KIRREL3: variants seen among roughly 807,000 people sequenced by gnomAD.
KIRREL3 encodes kirre like nephrin family adhesion molecule 3, also known as kin of IRRE-like protein 3.
KIRREL3 carries 36 observed loss-of-function variants against 89.7 expected under a neutral mutation model. The ratio of observed to expected loss-of-function variants is 0.40; its 90% CI spans 0.31 to 0.53. KIRREL3 has a LOEUF of 0.53. KIRREL3 is among the 20% of genes least tolerant of loss of function. The pLI is 0.49. For synonymous variants in KIRREL3, 445 were observed against 441.4 expected (o/e 1.01, Z -0.10); for missense variants, 864 against 1,056.6 (o/e 0.82, Z 2.53).
At chr11:126,633,815 A>G (rs963013292) in intron 1 of KIRREL3, among the ~76,000 whole-genome samples, 4 of 152,222 alleles carry the variant, frequency 2.6e-5, no homozygotes, top group Non-Finnish European at 5.9e-5. Flanking sequence ...ACCAGCAAGT[A>G]TGTTTATTTA....
chr11:126,585,107 G>C lies in KIRREL3; in HGVS notation c.56-22195C>G, dbSNP rs370746629. On this transcript the variant is annotated intron_variant, in intron 1 of 16. Coordinates refer to ENST00000525144, the MANE Select transcript of KIRREL3 (RefSeq NM_032531.4). ...GCTAATTTTTTGTATTTTTAGTAGGGACGGGGTTTCATCTTGTTAGCCAGG... is the reference window on the plus strand; with the variant it reads ...GCTAATTTTTTGTATTTTTAGTAGGCACGGGGTTTCATCTTGTTAGCCAGG... Among the ~76,000 whole-genome samples the C allele has an allele frequency of 2.5e-4, 38 of 150,666 alleles. No homozygotes were observed. In the East Asian group the frequency reaches 5.3e-3, roughly 21 times the overall value.
At chr11:126,552,392 G>T (rs1455476656) in intron 2 of KIRREL3, among the ~76,000 whole-genome samples, 1 of 152,090 alleles carries the variant, frequency 6.6e-6, no homozygotes, top group Non-Finnish European at 1.5e-5. Context: ...GCTAGACAGG[G>T]TGAAGGCACC....
rs747241588 is a variant in KIRREL3 at position 126,812,937 on chromosome 11, G to A, written c.55+187518C>T. Among the ~76,000 whole-genome samples the A allele has an allele frequency of 1.3e-5, 2 of 152,212 alleles. No homozygotes were observed. Among genetic ancestry groups the A allele is most frequent in the African/African-American group, 2.4e-5 (1 of 41,448 alleles). ...GGCTCTCATTGGAGGTTGTTGGGCT[G>A]CAGTTCACGGCCCAGGTGAGACCAC... On this transcript the variant is annotated intron_variant, in intron 1 of 16. Coordinates refer to ENST00000525144, the MANE Select transcript of KIRREL3 (RefSeq NM_032531.4). The surrounding 1 kb of genome is among the most constrained non-coding windows in gnomAD (Gnocchi z 5.2).
At chr11:126,774,494 C>T (rs569885409) in intron 1 of KIRREL3, among the ~76,000 whole-genome samples, 1 of 152,196 alleles carries the variant, frequency 6.6e-6, no homozygotes, top group Non-Finnish European at 1.5e-5. Flanking sequence ...TGGTCATCCA[C>T]GCTCTGGGCT....
chr11:126,509,327 C>T (rs1958124495), intron 4 of KIRREL3, among the ~76,000 whole-genome samples: 1 of 152,196 alleles, frequency 6.6e-6, no homozygotes, highest in South Asian at 2.1e-4. Context: ...CTCACCCCTC[C>T]TTCATACTCA....
At chr11:126,923,604 C>A (rs908327827) in intron 1 of KIRREL3, among the ~76,000 whole-genome samples, 2 of 151,842 alleles carry the variant, frequency 1.3e-5, no homozygotes, top group African/African-American at 4.8e-5. Flanking sequence ...CCACCACGCT[C>A]AGCTAATTTT....
chr11:126,675,938 G>A (rs1164604610), intron 1 of KIRREL3, among the ~76,000 whole-genome samples: 1 of 152,144 alleles, frequency 6.6e-6, no homozygotes, highest in Non-Finnish European at 1.5e-5. Flanking sequence ...TGAACGTGTT[G>A]ACTGAAAGAT....
intron 7 of KIRREL3, among the ~76,000 whole-genome samples, chr11:126,450,798 T>A (rs906329644): frequency 4.6e-5 from 7 of 151,116 alleles, no homozygotes; most frequent in African/African-American, 1.7e-4. Flanking sequence ...TGCATGTGTG[T>A]GTCTGCATGT....
rs1353037519 is a variant in KIRREL3, at chr11:126,769,307, C to T, written c.56-206395G>A. The stretch of plus-strand genomic sequence containing the variant: ...GGGGCTTAATAGATTTGATAAGGGC[C>T]GGTAGTCAGGGTAGGCTCTGTGGAA... On this transcript the variant is annotated intron_variant, in intron 1 of 16. Transcript: ENST00000525144. The surrounding 1 kb of genome is among the most constrained non-coding windows in gnomAD (Gnocchi z 4.3). 3.3e-5 allele frequency among the ~76,000 whole-genome samples: 5 copies of T among 152,190 alleles called. No individual in the cohort carries two copies. Among genetic ancestry groups the T allele is most frequent in the South Asian group, 2.1e-4 (1 of 4,814 alleles).
intron 1 of KIRREL3, among the ~76,000 whole-genome samples, chr11:126,856,241 C>T (rs947991489): frequency 6.6e-6 from 1 of 152,072 alleles, no homozygotes; most frequent in Admixed American, 6.5e-5. Context: ...AATACAAACA[C>T]ATAACCAGGA....
chr11:126,684,494 A>G lies in KIRREL3; in HGVS notation c.56-121582T>C, dbSNP rs1395296179. Among the ~76,000 whole-genome samples the G allele has an allele frequency of 1.3e-5, 2 of 151,834 alleles. No individual in the cohort carries two copies. The highest frequency in any genetic ancestry group is 2.9e-5 in the Non-Finnish European group (2 of 68,010). On this transcript the variant is annotated intron_variant, in intron 1 of 16. Coordinates refer to ENST00000525144, the MANE Select transcript of KIRREL3 (RefSeq NM_032531.4). The surrounding 1 kb of genome is among the most constrained non-coding windows in gnomAD (Gnocchi z 4.2). ...GGGCTCTGAGGGTGTTAGGGAAACC[A>G]CAGGTGTCCACAATGCCTGCCATGC...
chr11:126,621,705 T>C (rs1422388344), intron 1 of KIRREL3, among the ~76,000 whole-genome samples: 1 of 152,218 alleles, frequency 6.6e-6, no homozygotes, highest in Non-Finnish European at 1.5e-5. Context: ...TAGTCATCTA[T>C]TATAGTTTTA....
At chr11:126,845,944 A>G (rs967380037) in intron 1 of KIRREL3, among the ~76,000 whole-genome samples, 1 of 152,124 alleles carries the variant, frequency 6.6e-6, no homozygotes, top group African/African-American at 2.4e-5. Context: ...TTTGGGGGGA[A>G]AAAACACACA....
At chr11:126,718,085 C>T (rs1948036287) in intron 1 of KIRREL3, among the ~76,000 whole-genome samples, 1 of 152,186 alleles carries the variant, frequency 6.6e-6, no homozygotes, top group South Asian at 2.1e-4. Flanking sequence ...TCAATGATCT[C>T]CTACCTGGGC....
Position 126,462,565 on chromosome 11 carries a change from C to G in KIRREL3, c.742+592G>C, listed in dbSNP as rs1247759627. On this transcript the variant is annotated intron_variant, in intron 6 of 16. Transcript: ENST00000525144. The surrounding 1 kb of genome is among the most constrained non-coding windows in gnomAD (Gnocchi z 4.8). ...CTGTCATCCCAGCTACTCAGGCAGGCTAAGACAGGAGAATCGCTTGAACCT... is the reference window on the plus strand; with the variant it reads ...CTGTCATCCCAGCTACTCAGGCAGGGTAAGACAGGAGAATCGCTTGAACCT... Among the ~76,000 whole-genome samples, 1 of 152,082 alleles carries G rather than the reference C, an allele frequency of 6.6e-6. No individual in the cohort carries two copies. The highest frequency in any genetic ancestry group is 1.9e-4 in the East Asian group (1 of 5,186).
Position 126,571,593 on chromosome 11 carries a change from T to C in KIRREL3, c.56-8681A>G, listed in dbSNP as rs1157138667. Among the ~76,000 whole-genome samples, 1 of 152,184 alleles carries C rather than the reference T, an allele frequency of 6.6e-6. No homozygotes were observed. Among genetic ancestry groups the C allele is most frequent in the East Asian group, 1.9e-4 (1 of 5,192 alleles). On this transcript the variant is annotated intron_variant, in intron 1 of 16. Transcript: ENST00000525144. This position sits in a 1 kb window ranked among gnomAD's most constrained non-coding sequence, Gnocchi z 7.7. ...TACCTTCTTTATTCCTCATCAAAACTCTATAAGGTAAGTGCTGTTATTATT... is the reference window on the plus strand; with the variant it reads ...TACCTTCTTTATTCCTCATCAAAACCCTATAAGGTAAGTGCTGTTATTATT...
rs558064455 is a variant in KIRREL3, at chr11:126,874,388, G to A, written c.55+126067C>T. 1.0e-3 allele frequency among the ~76,000 whole-genome samples: 159 copies of A among 152,314 alleles called. 4 individuals are homozygous for A. In the South Asian group the frequency reaches 0.03, roughly 29 times the overall value. On this transcript the variant is annotated intron_variant, in intron 1 of 16. Coordinates refer to ENST00000525144, the MANE Select transcript of KIRREL3 (RefSeq NM_032531.4). ...AGTGGGGAGAGCCTTGCAACAAGAG[G>A]CATCTCTTATTCAGGGTAAAAATTA...
intron 1 of KIRREL3, among the ~76,000 whole-genome samples, chr11:126,864,607 G>A (rs1254118566): frequency 6.6e-6 from 1 of 152,184 alleles, no homozygotes; most frequent in East Asian, 1.9e-4. Context: ...TCTGAATTAA[G>A]CATCAACCTG....
rs1591547206 is a variant in KIRREL3 at position 126,446,949 on chromosome 11, T to C, written c.998-63A>G. 3 of 1,563,192 alleles carry C rather than the reference T, an allele frequency of 1.9e-6. No individual in the cohort carries two copies. The East Asian group carries it at 7.0e-5, about 37-fold the overall frequency. Reference sequence around the variant, plus strand: ...TGGGGAGCTCTGGGATCCTCCTTGCTGCTGCCTCCTTTTCCCCCTAGACCT... The same window carrying C: ...TGGGGAGCTCTGGGATCCTCCTTGCCGCTGCCTCCTTTTCCCCCTAGACCT... On this transcript the variant is annotated intron_variant, in intron 8 of 16. Coordinates refer to ENST00000525144, the MANE Select transcript of KIRREL3 (RefSeq NM_032531.4).
Sources: gnomAD v4.1 joint callset for allele counts (sites outside exome capture counted in the v4.1 genomes callset) on GRCh38, gnomAD v4.1.1 for gene constraint, Gnocchi (gnomAD v3.1) non-coding constraint, MANE v1.5 for transcripts, NCBI Gene and HGNC (gene_info 2026-07-23, HGNC 2026-07-21) for gene names.